Variants in RHBDF1 observed in about 807,000 individuals in gnomAD.
RHBDF1 encodes rhomboid 5 homolog 1, also known as inactive rhomboid protein 1.
Under a neutral mutation model 98.6 loss-of-function variants are expected in RHBDF1, and 80 were observed. The ratio of observed to expected loss-of-function variants is 0.81; its 90% CI spans 0.68 to 0.98. The LOEUF (loss-of-function observed/expected upper bound fraction) is 0.98, where lower values mean the gene tolerates loss of function less well. RHBDF1 is among the 50% of genes least tolerant of loss of function. The probability of loss-of-function intolerance (pLI) is 0.00; values close to 1 mark genes in which losing one functional copy is unlikely to be tolerated. For synonymous variants in RHBDF1, 512 were observed against 486.8 expected (o/e 1.05, Z -0.68); for missense variants, 1,116 against 1,198.3 (o/e 0.93, Z 1.01).
At position 61,129 on chromosome 16, in the gene RHBDF1, C is replaced by T. The variant is rs1897597989; in HGVS notation, c.1548G>A (p.Glu516=). Reference sequence around the variant, plus strand: ...GGGCGGGGAAACGCACCGAGCACTCCTCCTCCGAGGTCTGCACGCAGCCCG... The same window carrying T: ...GGGCGGGGAAACGCACCGAGCACTCTTCCTCCGAGGTCTGCACGCAGCCCG... ...DRSGCVQTSE[E]ECSSTLAVWV... Residue 516 remains glutamate, a synonymous_variant, in exon 11 of 18, where the codon GAG becomes GAA. Transcript: ENST00000262316. 1 of 1,531,280 alleles carries T rather than the reference C, an allele frequency of 6.5e-7. No homozygotes were observed. The highest frequency in any genetic ancestry group is 8.8e-7 in the Non-Finnish European group (1 of 1,140,942). The allele number at this position is 1,531,280 out of a possible 1,614,324, so 94.9% of individuals were successfully genotyped here.
chr16:72,376 C>T, intron 1 of RHBDF1, 137 bp downstream of exon 1: 1 of 301,398 alleles, frequency 3.3e-6, no homozygotes, highest in Non-Finnish European at 4.9e-6. Context: ...TCCCCGGCCC[C>T]GGCCCCGGCC....
Position 63,102 on chromosome 16 carries a change from G to A in RHBDF1, c.543C>T (p.Pro181=), listed in dbSNP as rs117817055. The A allele has an allele frequency of 1.0e-4, 163 of 1,607,656 alleles. No homozygotes were observed. Among genetic ancestry groups the A allele is most frequent in the East Asian group, 7.4e-4 (33 of 44,594 alleles). The change falls in exon 5 of 18, where the codon CCC becomes CCT. Residue 181 remains proline, a synonymous_variant. Coordinates refer to ENST00000262316, the MANE Select transcript of RHBDF1 (RefSeq NM_022450.5). ...TAEGLSAPHT[P]VTPGAASLCS... ...AGAGGGAGGCAGCACCCGGCGTGAC[G>A]GGAGTGTGTGGGGCACTCAGGCCTT...
chr16:60,194 CA>C (rs1429240148), intron 13 of RHBDF1, 21 bp downstream of exon 13: 9 of 1,613,754 alleles, frequency 5.6e-6, no homozygotes, highest in Non-Finnish European at 7.6e-6. Context: ...GGCTCCCTAA[CA>C]ACCCCCCCAC....
intron 1 of RHBDF1, among the ~76,000 whole-genome samples, chr16:69,218 T>C (rs1282444755): frequency 2.6e-5 from 4 of 152,144 alleles, no homozygotes; most frequent in Non-Finnish European, 5.9e-5. Flanking sequence ...AGTCCAGGCA[T>C]AGACAGTGGC....
intron 10 of RHBDF1, 50 bp downstream of exon 10, chr16:61,335 G>T: frequency 6.5e-7 from 1 of 1,543,958 alleles, no homozygotes; most frequent in Non-Finnish European, 8.7e-7. Context: ...CCCCCGCCGG[G>T]CACCTCCAGG....
At chr16:64,406 G>C (rs1424190104) in intron 3 of RHBDF1, 1 of 1,404,256 alleles carries the variant, frequency 7.1e-7, no homozygotes, top group Non-Finnish European at 9.5e-7. Flanking sequence ...AAGAGGGGCA[G>C]AGTGTGGACA....
At position 58,686 on chromosome 16, in the gene RHBDF1, AG is replaced by A. The variant is rs757863349; in HGVS notation, c.2221del (p.Leu741TrpfsTer186). ...FVELFQSWQI[L>X]ARPWRAFFKL... ...GAAGAAGGCACGCCAGGGCCGCGCCAGGATCTGCCAGCTCTGGAAGAGCTCC... is the reference window on the plus strand; with the variant it reads ...GAAGAAGGCACGCCAGGGCCGCGCCAGATCTGCCAGCTCTGGAAGAGCTCC... On this transcript the variant is annotated frameshift_variant, in exon 18 of 18. Transcript: ENST00000262316. LOFTEE classifies it high-confidence loss of function. 3.7e-6 allele frequency: 6 copies of A among 1,613,122 alleles called. No individual in the cohort carries two copies. Among genetic ancestry groups the A allele is most frequent in the East Asian group, 2.2e-5 (1 of 44,880 alleles).
At chr16:64,019 G>A in intron 3 of RHBDF1, 1 of 707,130 alleles carries the variant, frequency 1.4e-6, no homozygotes, top group Non-Finnish European at 2.6e-6. Flanking sequence ...AGCTGGCCTT[G>A]CCCGGTTGAG....
At chr16:73,848 C>T (rs1337788232), upstream of RHBDF1, 1 of 802,816 alleles carries the variant, frequency 1.2e-6, no homozygotes, top group Non-Finnish European at 1.5e-6. Flanking sequence ...GGGCCCGACG[C>T]AGACAATGGC....
At chr16:61,535 C>T (rs1445240141) in intron 9 of RHBDF1, 50 bp downstream of exon 9, 1 of 1,611,350 alleles carries the variant, frequency 6.2e-7, no homozygotes, top group South Asian at 1.1e-5. Flanking sequence ...GGAGGGGGTC[C>T]AGTGCCCGGA....
At chr16:68,869 AG>A (rs1477742976) in intron 1 of RHBDF1, among the ~76,000 whole-genome samples, 1 of 152,194 alleles carries the variant, frequency 6.6e-6, no homozygotes, top group Non-Finnish European at 1.5e-5. Context: ...GCACAGGTGC[AG>A]GGAGAGCCAG....
chr16:62,595 G>T lies in RHBDF1; in HGVS notation c.896C>A (p.Ala299Glu), dbSNP rs149482835. The stretch of plus-strand genomic sequence containing the variant: ...GTCCAGGGCCCCGCCGGTGAGGTCC[G>T]CCTGCTCCGGTGCCTTCTCCCAGTC... ...LKDWEKAPEQADLTGGALDRS... is the reference protein window; with the variant it reads ...LKDWEKAPEQEDLTGGALDRS... Residue 299 changes from alanine (A) to glutamate (E), a missense_variant, in exon 7 of 18, where the codon GCG becomes GAG. Coordinates refer to ENST00000262316, the MANE Select transcript of RHBDF1 (RefSeq NM_022450.5). The T allele has an allele frequency of 6.2e-7, 1 of 1,613,614 alleles. No homozygotes were observed. The highest frequency in any genetic ancestry group is 1.3e-5 in the African/African-American group (1 of 74,938).
rs1408597782 is a variant in RHBDF1 at position 58,171 on chromosome 16, G to T, written c.*169C>A. The stretch of plus-strand genomic sequence containing the variant: ...GAAGTAGTATAATAAATGCCCGGCA[G>T]TACGAGGGGTTCAACAGAAGTGAAC... On this transcript the variant is annotated 3_prime_UTR_variant, in exon 18 of 18. Transcript: ENST00000262316. 1.6e-6 allele frequency: 1 copy of T among 627,164 alleles called. No homozygotes were observed. The highest frequency in any genetic ancestry group is 1.8e-5 in the African/African-American group (1 of 54,350). The allele number at this position is 627,164 out of a possible 1,614,324, so 38.8% of individuals were successfully genotyped here.
intron 1 of RHBDF1, among the ~76,000 whole-genome samples, chr16:69,039 A>C (rs1451187857): frequency 1.3e-5 from 2 of 152,150 alleles, no homozygotes; most frequent in African/African-American, 4.8e-5. Context: ...GGCTGACTCC[A>C]TCACAGGGTG....
intron 1 of RHBDF1, among the ~76,000 whole-genome samples, chr16:67,384 G>T (rs1897857620): frequency 1.3e-5 from 2 of 152,194 alleles, no homozygotes; most frequent in South Asian, 4.1e-4. Flanking sequence ...CAGGGGGCCA[G>T]CCTCTCCAGG....
chr16:63,524 C>T (rs369275078), intron 4 of RHBDF1, 63 bp downstream of exon 4: 28 of 1,382,214 alleles, frequency 2.0e-5, no homozygotes, highest in African/African-American at 1.7e-4. Flanking sequence ...TGGCTGTGTC[C>T]GCAGCCCCAG....
intron 3 of RHBDF1, chr16:64,130 C>T (rs1008664635): frequency 1.7e-5 from 12 of 703,786 alleles, no homozygotes; most frequent in Admixed American, 5.2e-5. Context: ...AGAGCTTGGC[C>T]CCAGGACACC....
At chr16:65,429 G>A (rs924751962) in intron 1 of RHBDF1, among the ~76,000 whole-genome samples, 57 of 152,220 alleles carry the variant, frequency 3.7e-4, no homozygotes, top group African/African-American at 1.3e-3. Flanking sequence ...TAAGTATGAT[G>A]GGAGCGGGGG....
intron 1 of RHBDF1, among the ~76,000 whole-genome samples, chr16:65,339 C>T (rs528433831): frequency 2.0e-5 from 3 of 152,344 alleles, no homozygotes; most frequent in South Asian, 2.1e-4. Flanking sequence ...GGTGGAGAAA[C>T]GAGACAAAAT....
Sources: gnomAD v4.1 joint callset for allele counts (sites outside exome capture counted in the v4.1 genomes callset) on GRCh38, gnomAD v4.1.1 for gene constraint, MANE v1.5 for transcripts, NCBI Gene and HGNC (gene_info 2026-07-23, HGNC 2026-07-21) for gene names.